The following COL6A3 variants were observed in gnomAD, a reference collection of about 807,000 sequenced individuals.
The protein encoded by COL6A3 is collagen alpha-3(VI) chain.
In COL6A3, 137 loss-of-function variants were observed where a neutral mutation model predicts 274.1. That is an observed-to-expected ratio of 0.50 (90% CI 0.44 to 0.58). COL6A3 has a LOEUF of 0.58. Among genes scored for constraint, COL6A3 ranks in the 20% least tolerant of loss-of-function variants. COL6A3 has a pLI of 0.00. For missense variants in COL6A3, 3,950 were observed against 4,124.9 expected (o/e 0.96, Z 1.16); for synonymous variants, 1,650 against 1,650.6 (o/e 1.00, Z 0.01).
intron 3 of COL6A3, among the ~76,000 whole-genome samples, chr2:237,392,681 T>G (rs997770434): frequency 6.6e-6 from 1 of 152,244 alleles, no homozygotes; most frequent in Non-Finnish European, 1.5e-5. Flanking sequence ...CACTTCCTCA[T>G]GCCTACTAAA....
rs1271409819 is a variant in COL6A3, at chr2:237,336,374, G to A, written c.8726C>T (p.Ala2909Val). ...IINQPSVKPA[A>V]AKPAPAKPVA... is the part of the protein sequence containing the mutation. ...AGGTTTCGCAGGGGCCGGCTTTGCA[G>A]CGGCTGGCTTCACAGATGGCTGATT... Residue 2909 changes from alanine (A) to valine (V), a missense_variant, in exon 40 of 44, where the codon GCT (alanine) becomes GTT (valine). Ala to Val is a moderately conservative substitution (Grantham distance 64). Coordinates refer to ENST00000295550, the MANE Select transcript of COL6A3 (RefSeq NM_004369.4). 6.2e-7 allele frequency: 1 copy of A among 1,614,254 alleles called. No individual in the cohort carries two copies. The highest frequency in any genetic ancestry group is 1.1e-5 in the South Asian group (1 of 91,084).
chr2:237,367,380 C>T (rs1366743881), intron 10 of COL6A3, 94 bp from the exon 11 acceptor site: 2 of 1,421,766 alleles, frequency 1.4e-6, no homozygotes, highest in East Asian at 2.3e-5. Flanking sequence ...TGAAATAAGA[C>T]ATTCCTAATA....
chr2:237,410,429 G>A (rs182288840), intron 1 of COL6A3, among the ~76,000 whole-genome samples: 48 of 150,996 alleles, frequency 3.2e-4, no homozygotes, highest in African/African-American at 1.0e-3. Flanking sequence ...ACTCAGCCTC[G>A]TAGCTGAGAT....
chr2:237,340,561 G>T lies in COL6A3; in HGVS notation c.8355C>A (p.Thr2785=). Residue 2785 remains threonine, a synonymous_variant, in exon 38 of 44, where the codon ACC becomes ACA. Coordinates refer to ENST00000295550, the MANE Select transcript of COL6A3 (RefSeq NM_004369.4). ...GRKVNIKEVY[T]FASEPNDVFF... Reference sequence around the variant, plus strand: ...AGACGTCGTTTGGCTCACTGGCGAAGGTGTATACCTCCTTGATGTTCACCT... The same window carrying T: ...AGACGTCGTTTGGCTCACTGGCGAATGTGTATACCTCCTTGATGTTCACCT... 1 of 1,614,216 alleles carries T rather than the reference G, an allele frequency of 6.2e-7. No individual in the cohort carries two copies. The highest frequency in any genetic ancestry group is 8.5e-7 in the Non-Finnish European group (1 of 1,180,038).
chr2:237,382,934 T>G (rs1328125136), intron 4 of COL6A3, among the ~76,000 whole-genome samples: 1 of 152,084 alleles, frequency 6.6e-6, no homozygotes, highest in Non-Finnish European at 1.5e-5. Context: ...ATTACAGGTA[T>G]GCACGACCAC....
rs1260171481 is a variant in COL6A3, at chr2:237,361,064, AT to A, written c.6210+56del. The A allele has an allele frequency of 3.0e-5, 41 of 1,380,722 alleles. No individual in the cohort carries two copies. The highest frequency in any genetic ancestry group is 4.0e-5 in the Non-Finnish European group (39 of 967,254). 85.5% of individuals were successfully genotyped at this position (1,380,722 alleles called of 1,614,324 possible). A position where few individuals can be genotyped will look rare whatever the true frequency, so the allele number is the denominator to read the frequency against. ...TGATGAAATCCACAATGCAATCCCAATGGGTAAGGATCAAGGAGGGGGTGAA... is the reference window on the plus strand; with the variant it reads ...TGATGAAATCCACAATGCAATCCCAAGGGTAAGGATCAAGGAGGGGGTGAA... On this transcript the variant is annotated intron_variant, in intron 16 of 43. Coordinates refer to ENST00000295550, the MANE Select transcript of COL6A3 (RefSeq NM_004369.4). This position sits in a 1 kb window ranked among gnomAD's most constrained non-coding sequence, Gnocchi z 5.1.
At chr2:237,342,001 TC>T in intron 37 of COL6A3, 63 bp downstream of exon 37, 2 of 1,308,654 alleles carry the variant, frequency 1.5e-6, no homozygotes, top group Middle Eastern at 3.7e-4. Context: ...TCTCTCACTC[TC>T]CCATGGATAT....
In COL6A3 at chr2:237,414,161, G is replaced by T. The variant is rs1408836935; in HGVS notation, c.-239C>A. The stretch of plus-strand genomic sequence containing the variant: ...GAGAACTGAACGGCCTTTGGTGGAA[G>T]ACTGAGCTCCAAACTGGACTGGGGC... On this transcript the variant is annotated 5_prime_UTR_variant, in exon 1 of 44. Transcript: ENST00000295550. The T allele has an allele frequency of 6.6e-6, 1 of 152,300 alleles. No homozygotes were observed. The highest frequency in any genetic ancestry group is 1.5e-5 in the Non-Finnish European group (1 of 68,112). The allele number at this position is 152,300 out of a possible 1,614,324, so 9.4% of individuals were successfully genotyped here.
In COL6A3 at chr2:237,378,938, G is replaced by A. The variant is rs370719148; in HGVS notation, c.2195C>T (p.Thr732Met). The change falls in exon 6 of 44, where the codon ACG becomes ATG. Residue 732 changes from threonine to methionine, a missense_variant. Around this residue, in one of 5 missense-constraint regions of COL6A3, gnomAD observed 1,934 missense variants for 1,984.3 expected, o/e 0.97. Coordinates refer to ENST00000295550, the MANE Select transcript of COL6A3 (RefSeq NM_004369.4). ...ACGGATCCTGCTGCCGCCAGCTTCC[G>A]TGAAGTGGTTGGCATAGACATAGCT... The part of the protein sequence containing the change: ...ALSYVYANHF[T>M]EAGGSRIREH... The A allele has an allele frequency of 1.5e-4, 236 of 1,614,200 alleles. No homozygotes were observed. Among genetic ancestry groups the A allele is most frequent in the Middle Eastern group, 6.6e-4 (4 of 6,062 alleles).
At chr2:237,357,062 C>A in intron 23 of COL6A3, 1 of 542,772 alleles carries the variant, frequency 1.8e-6, no homozygotes, top group Admixed American at 3.1e-5. Context: ...TTAGTTGGAT[C>A]AAACCTGGCC....
chr2:237,344,637 C>G lies in COL6A3; in HGVS notation c.7381G>C (p.Ala2461Pro), dbSNP rs570690752. 6.2e-7 allele frequency: 1 copy of G among 1,614,072 alleles called. No homozygotes were observed. Among genetic ancestry groups the G allele is most frequent in the African/African-American group, 1.3e-5 (1 of 75,046 alleles). The change falls in exon 36 of 44, where the codon GCT (alanine) becomes CCT (proline). Residue 2461 changes from alanine to proline, a missense_variant. By Grantham distance (27) the Ala-to-Pro change is conservative. Coordinates refer to ENST00000295550, the MANE Select transcript of COL6A3 (RefSeq NM_004369.4). The surrounding 1 kb of genome is among the most constrained non-coding windows in gnomAD (Gnocchi z 4.8). ...AGGACCGACTTCCTCTTGGAGTCAGCAAACCGGATCTCCGTGGTCACCTCG... is the reference window on the plus strand; with the variant it reads ...AGGACCGACTTCCTCTTGGAGTCAGGAAACCGGATCTCCGTGGTCACCTCG... ...NNEVTTEIRF[A>P]DSKRKSVLLD...
chr2:237,324,697 C>T lies in COL6A3; in HGVS notation c.*77G>A, dbSNP rs1035329885. On this transcript the variant is annotated 3_prime_UTR_variant, in exon 44 of 44. Transcript: ENST00000295550. ...GATACAGTGCAAGGGAATCTACACCCGGAGCTTCTACAGAGACAAGTTGGC... is the reference window on the plus strand; with the variant it reads ...GATACAGTGCAAGGGAATCTACACCTGGAGCTTCTACAGAGACAAGTTGGC... 2.6e-5 allele frequency: 36 copies of T among 1,378,152 alleles called. No individual in the cohort carries two copies. The highest frequency in any genetic ancestry group is 4.7e-5 in the South Asian group (4 of 85,562). 85.4% of individuals were successfully genotyped at this position (1,378,152 alleles called of 1,614,324 possible).
rs756243022 is a variant in COL6A3, at chr2:237,366,850, C to T, written c.5337G>A (p.Arg1779=). 51 of 1,614,134 alleles carry T rather than the reference C, an allele frequency of 3.2e-5. No homozygotes were observed. The Admixed American group carries it at 7.7e-4, about 24-fold the overall frequency. ...RGVKVFAVGV[R]NIDSEEVGKI... is the part of the protein sequence containing the mutation. ...TTCCAACCTCCTCCGAGTCGATATT[C>T]CTCACTCCAACAGCAAACACTTTGA... Residue 1779 remains arginine, a synonymous_variant, in exon 11 of 44, where the codon AGG becomes AGA. Coordinates refer to ENST00000295550, the MANE Select transcript of COL6A3 (RefSeq NM_004369.4).
At chr2:237,347,770 C>T (rs749811281) in intron 31 of COL6A3, 37 bp downstream of exon 31, 1 of 1,586,962 alleles carries the variant, frequency 6.3e-7, no homozygotes, top group Non-Finnish European at 8.6e-7. Context: ...CATACGTTCT[C>T]ATTCCTCACC....
In COL6A3 at chr2:237,367,161, T is replaced by C; in HGVS notation, c.5026A>G (p.Ile1676Val). The change falls in exon 11 of 44, where the codon ATC (isoleucine) becomes GTC (valine). Residue 1676 changes from isoleucine (I) to valine (V), a missense_variant. By Grantham distance (29) the Ile-to-Val change is conservative (BLOSUM62 3). This residue lies in a region of COL6A3 where 632 missense variants were observed against 623.4 expected (regional missense o/e 1.01). Coordinates refer to ENST00000295550, the MANE Select transcript of COL6A3 (RefSeq NM_004369.4). ...TTGTACTGGACAAGCCCCACTTGGA[T>C]GGAGTCGCCATCTTCATAAACTGTG... is the stretch of plus-strand genomic sequence containing the variant. ...VDTVYEDGDS[I>V]QVGLVQYNSD... 1 of 1,614,214 alleles carries C rather than the reference T, an allele frequency of 6.2e-7. No homozygotes were observed. Among genetic ancestry groups the C allele is most frequent in the South Asian group, 1.1e-5 (1 of 91,076 alleles).
intron 4 of COL6A3, among the ~76,000 whole-genome samples, chr2:237,383,901 G>A (rs565980972): frequency 1.3e-5 from 2 of 152,166 alleles, no homozygotes; most frequent in Admixed American, 1.3e-4. Flanking sequence ...CACCCAACAA[G>A]GATTCAGCTC....
At chr2:237,372,769 T>C (rs2077726454) in intron 8 of COL6A3, among the ~76,000 whole-genome samples, 1 of 152,042 alleles carries the variant, frequency 6.6e-6, no homozygotes, top group Non-Finnish European at 1.5e-5. Flanking sequence ...AAAGGAACTT[T>C]AGAGTATAGA....
intron 3 of COL6A3, among the ~76,000 whole-genome samples, chr2:237,391,236 A>G (rs545082569): frequency 1.7e-4 from 25 of 151,470 alleles, no homozygotes; most frequent in African/African-American, 6.1e-4. Context: ...TGTTAATTAG[A>G]AAAGACACAT....
Position 237,325,623 on chromosome 2 carries a change from C to T in COL6A3, c.9430G>A (p.Gly3144Ser). The T allele has an allele frequency of 1.2e-6, 2 of 1,614,182 alleles. No individual in the cohort carries two copies. Among genetic ancestry groups the T allele is most frequent in the South Asian group, 1.1e-5 (1 of 91,080 alleles). ...TKSCARFWYG[G>S]CGGNENKFGS... Reference sequence around the variant, plus strand: ...AATTTGTTTTCGTTTCCACCACAACCTCCATACCAGAATCTTGCACAGCTT... The same window carrying T: ...AATTTGTTTTCGTTTCCACCACAACTTCCATACCAGAATCTTGCACAGCTT... Residue 3144 changes from glycine (G) to serine (S), a missense_variant, in exon 43 of 44, where the codon GGT becomes AGT. Physicochemically the swap from Gly to Ser is moderately conservative, Grantham distance 56 (BLOSUM62 0). This residue lies in a region of COL6A3 where 1,284 missense variants were observed against 1,349.7 expected (regional missense o/e 0.95). Coordinates refer to ENST00000295550, the MANE Select transcript of COL6A3 (RefSeq NM_004369.4).
Sources: allele counts gnomAD v4.1 joint callset (sites outside exome capture counted in the v4.1 genomes callset), GRCh38; gene constraint gnomAD v4.1.1; regional missense constraint gnomAD v4.1.1; non-coding constraint Gnocchi (gnomAD v3.1); transcripts MANE v1.5; gene names NCBI Gene and HGNC (gene_info 2026-07-23, HGNC 2026-07-21).